DCC: variants seen among roughly 807,000 people sequenced by gnomAD.
DCC encodes the protein DCC netrin 1 receptor.
DCC carries 58 observed loss-of-function variants against 172.5 expected under a neutral mutation model. The ratio of observed to expected loss-of-function variants is 0.34; its 90% CI spans 0.27 to 0.42. DCC has a LOEUF of 0.42. DCC is among the 10% of genes least tolerant of loss of function. The pLI is 1.00. For missense variants in DCC, 1,740 were observed against 1,791.0 expected (o/e 0.97, Z 0.51); for synonymous variants, 709 against 644.5 (o/e 1.10, Z -1.52).
chr18:52,375,505 A>C (rs1367250028), intron 1 of DCC, among the ~76,000 whole-genome samples: 1 of 152,216 alleles, frequency 6.6e-6, no homozygotes, highest in Non-Finnish European at 1.5e-5. Context: ...AATAACTCTT[A>C]GAAACAAGAT....
chr18:52,523,954 A>G (rs1568211840), intron 1 of DCC, among the ~76,000 whole-genome samples: 1 of 152,206 alleles, frequency 6.6e-6, no homozygotes, highest in African/African-American at 2.4e-5. Context: ...AACTAACAAG[A>G]TAAATGCTTC....
intron 1 of DCC, among the ~76,000 whole-genome samples, chr18:52,705,805 T>C (rs2036199864): frequency 6.6e-6 from 1 of 152,328 alleles, no homozygotes; most frequent in South Asian, 2.1e-4. Context: ...TTAAAAGCGT[T>C]TGTTGAATGA....
chr18:52,606,243 C>T lies in DCC; in HGVS notation c.92-145811C>T, dbSNP rs533022798. On this transcript the variant is annotated intron_variant, in intron 1 of 28. Transcript: ENST00000442544. ...ACAAAGCAATTACTACTACACAGTG[C>T]TACCATTTACTATCTATGTATTGTT... Among the ~76,000 whole-genome samples the T allele has an allele frequency of 2.6e-4, 39 of 152,130 alleles. No homozygotes were observed. In the South Asian group the frequency reaches 7.9e-3, roughly 31 times the overall value.
chr18:52,531,137 C>T (rs1373065935), intron 1 of DCC, among the ~76,000 whole-genome samples: 1 of 152,220 alleles, frequency 6.6e-6, no homozygotes, highest in African/African-American at 2.4e-5. Flanking sequence ...AGCCTTCTGT[C>T]TGCTGAGCTG....
At chr18:53,115,043 C>A (rs1243784896) in intron 7 of DCC, among the ~76,000 whole-genome samples, 3 of 151,452 alleles carry the variant, frequency 2.0e-5, no homozygotes, top group Non-Finnish European at 4.4e-5. Context: ...TTCAAGAAGG[C>A]CTTCCAATTT....
chr18:53,077,612 C>T (rs569192104), intron 7 of DCC, among the ~76,000 whole-genome samples: 1 of 152,152 alleles, frequency 6.6e-6, no homozygotes, highest in Non-Finnish European at 1.5e-5. Context: ...TCAGTGGACT[C>T]TCCCATGGTT....
intron 2 of DCC, among the ~76,000 whole-genome samples, chr18:52,837,676 C>G (rs1234419159): frequency 6.6e-6 from 1 of 152,134 alleles, no homozygotes; most frequent in Non-Finnish European, 1.5e-5. Flanking sequence ...TCTTCCGAGC[C>G]CTCCAAACTG....
At chr18:52,945,432 T>C (rs377216398) in intron 5 of DCC, among the ~76,000 whole-genome samples, 21 of 152,180 alleles carry the variant, frequency 1.4e-4, no homozygotes, top group African/African-American at 4.1e-4. Context: ...TTAGAGGAAA[T>C]AAATATGCTA....
chr18:53,505,776 G>C (rs1043744597), intron 27 of DCC, among the ~76,000 whole-genome samples: 4 of 152,210 alleles, frequency 2.6e-5, no homozygotes, highest in African/African-American at 9.7e-5. Flanking sequence ...TTATACTGCA[G>C]AGTGGGTGGC....
chr18:52,374,025 G>A (rs1178920745), intron 1 of DCC, among the ~76,000 whole-genome samples: 1 of 151,304 alleles, frequency 6.6e-6, no homozygotes, highest in African/African-American at 2.4e-5. Flanking sequence ...TGGAGTAGCT[G>A]GGACTACAGG....
In DCC at chr18:53,298,300, G is replaced by C. The variant is rs926514160; in HGVS notation, c.1912-7278G>C. Reference sequence around the variant, plus strand: ...TCCTGTAATCCTAGAACTTTGGGAGGGTGAGCGGGTGGATCCTTTGAGCCT... The same window carrying C: ...TCCTGTAATCCTAGAACTTTGGGAGCGTGAGCGGGTGGATCCTTTGAGCCT... On this transcript the variant is annotated intron_variant, in intron 12 of 28. Coordinates refer to ENST00000442544, the MANE Select transcript of DCC (RefSeq NM_005215.4). Among the ~76,000 whole-genome samples, 37 of 151,836 alleles carry C rather than the reference G, an allele frequency of 2.4e-4. 1 individual carries two copies. The highest frequency in any genetic ancestry group is 8.2e-4 in the African/African-American group (34 of 41,342).
intron 9 of DCC, among the ~76,000 whole-genome samples, chr18:53,181,082 C>A (rs1208751211): frequency 2.6e-5 from 4 of 152,212 alleles, no homozygotes; most frequent in East Asian, 1.9e-4. Context: ...GATAGGTCAA[C>A]AATTTAAAAA....
intron 27 of DCC, among the ~76,000 whole-genome samples, chr18:53,523,984 GC>G (rs1331526619): frequency 6.6e-6 from 1 of 151,884 alleles, no homozygotes; most frequent in Non-Finnish European, 1.5e-5. Context: ...ATTATCAGAG[GC>G]TGTGAGGTGA....
chr18:52,951,756 C>T (rs190016883), intron 5 of DCC, among the ~76,000 whole-genome samples: 12 of 152,256 alleles, frequency 7.9e-5, no homozygotes, highest in Admixed American at 7.9e-4. Context: ...TTTTATTCTC[C>T]AGATATGTAG....
intron 12 of DCC, among the ~76,000 whole-genome samples, 178 bp from the exon 13 acceptor site, chr18:53,305,400 C>G (rs900939220): frequency 9.2e-5 from 14 of 152,138 alleles, no homozygotes; most frequent in African/African-American, 3.4e-4. Context: ...TTTGTTAAAA[C>G]CAGACAAATA....
intron 1 of DCC, among the ~76,000 whole-genome samples, chr18:52,353,595 A>G (rs1984226801): frequency 1.3e-5 from 2 of 152,234 alleles, no homozygotes. Context: ...GTGGCAGGGC[A>G]GAAGGGGTGT....
intron 1 of DCC, among the ~76,000 whole-genome samples, chr18:52,407,157 T>G (rs74904482): frequency 0.018 from 2,682 of 152,158 alleles, 78 homozygotes; most frequent in African/African-American, 0.061. Context: ...TTATTTTTGC[T>G]CCATGATTGC....
chr18:53,263,358 G>A (rs1355102287), intron 12 of DCC, among the ~76,000 whole-genome samples: 1 of 151,946 alleles, frequency 6.6e-6, no homozygotes, highest in Non-Finnish European at 1.5e-5. Context: ...TGCTACATTG[G>A]CCAGGCTGGT....
chr18:53,368,583 A>T (rs1332039828), intron 15 of DCC, among the ~76,000 whole-genome samples: 2 of 152,178 alleles, frequency 1.3e-5, no homozygotes, highest in East Asian at 3.9e-4. Context: ...TACATCTGAC[A>T]TTTAAATCTT....
Sources: allele counts gnomAD v4.1 joint callset (sites outside exome capture counted in the v4.1 genomes callset), GRCh38; gene constraint gnomAD v4.1.1; transcripts MANE v1.5; gene names NCBI Gene and HGNC (gene_info 2026-07-23, HGNC 2026-07-21).